NAV2: variants seen among roughly 807,000 people sequenced by gnomAD.
The protein encoded by NAV2 is neuron navigator 2, also known as helicase, APC down-regulated 1.
Under a neutral mutation model 223.2 loss-of-function variants are expected in NAV2, and 54 were observed. The observed-to-expected ratio is 0.24, with a 90% confidence interval of 0.19 to 0.30. The LOEUF (loss-of-function observed/expected upper bound fraction) is 0.30, where lower values mean the gene tolerates loss of function less well. NAV2 is among the 10% of genes least tolerant of loss of function. The pLI is 1.00. For missense variants in NAV2, 2,806 were observed against 3,147.5 expected (o/e 0.89, Z 2.60); for synonymous variants, 1,279 against 1,239.3 (o/e 1.03, Z -0.67).
Position 19,588,592 on chromosome 11 carries a change from A to G in NAV2, c.75+237565A>G, listed in dbSNP as rs569674253. Reference sequence around the variant, plus strand: ...CCTCATATTTATAGGGCTGAGGTTCAAACAGAAGAAGTGGTACACAACTAC... The same window carrying G: ...CCTCATATTTATAGGGCTGAGGTTCGAACAGAAGAAGTGGTACACAACTAC... On this transcript the variant is annotated intron_variant, in intron 1 of 37. Transcript: ENST00000360655. Among the ~76,000 whole-genome samples the G allele has an allele frequency of 2.6e-5, 4 of 152,340 alleles. No homozygotes were observed. The South Asian group carries it at 8.3e-4, about 32-fold the overall frequency.
At chr11:19,354,287 C>A (rs1461912736) in intron 1 of NAV2, among the ~76,000 whole-genome samples, 4 of 152,222 alleles carry the variant, frequency 2.6e-5, no homozygotes, top group African/African-American at 9.6e-5. Context: ...TGGAAATGTT[C>A]TATTCGTGCA....
At chr11:20,063,446 C>T (rs2058834488) in intron 20 of NAV2, among the ~76,000 whole-genome samples, 1 of 152,178 alleles carries the variant, frequency 6.6e-6, no homozygotes, top group Admixed American at 6.5e-5. Context: ...GACCTTGGCT[C>T]ACTGCAACCT....
intron 1 of NAV2, among the ~76,000 whole-genome samples, chr11:19,773,898 A>G (rs974570293): frequency 2.0e-5 from 3 of 152,142 alleles, no homozygotes; most frequent in Non-Finnish European, 4.4e-5. Flanking sequence ...TCTTGCTGTT[A>G]CTAGGTCTTC....
chr11:19,833,583 T>G (rs2060067020), intron 2 of NAV2, among the ~76,000 whole-genome samples: 1 of 152,228 alleles, frequency 6.6e-6, no homozygotes, highest in Admixed American at 6.5e-5. Context: ...CCTCTCCCTG[T>G]ATTAGTTTTC....
At chr11:19,627,934 A>G (rs2135466905) in intron 1 of NAV2, among the ~76,000 whole-genome samples, 1 of 151,354 alleles carries the variant, frequency 6.6e-6, no homozygotes, top group South Asian at 2.1e-4. Flanking sequence ...AAAAAGAAGA[A>G]GAAGAAGAAG....
chr11:20,023,702 GTGTGTGT>G (rs2054752575), intron 11 of NAV2, among the ~76,000 whole-genome samples: 2 of 24,852 alleles, frequency 8.0e-5, no homozygotes, highest in Admixed American at 5.8e-4. Flanking sequence ...ATTGCTGGGT[GTGTGTGT>G]GTGTGTGTGT....
chr11:19,508,529 T>A (rs987227179), intron 1 of NAV2, among the ~76,000 whole-genome samples: 5 of 152,142 alleles, frequency 3.3e-5, no homozygotes, highest in Non-Finnish European at 5.9e-5. Context: ...TCATTCTCAG[T>A]CCCATTTACT....
At chr11:19,706,474 A>G (rs1334997341) in intron 1 of NAV2, among the ~76,000 whole-genome samples, 1 of 152,166 alleles carries the variant, frequency 6.6e-6, no homozygotes, top group Non-Finnish European at 1.5e-5. Flanking sequence ...TTATCATTGT[A>G]TATTTTGTGC....
chr11:19,549,084 T>A (rs1464182002), intron 1 of NAV2, among the ~76,000 whole-genome samples: 1 of 152,082 alleles, frequency 6.6e-6, no homozygotes, highest in Non-Finnish European at 1.5e-5. Flanking sequence ...CCTAAACAGG[T>A]GAATGTCTCA....
chr11:19,348,549 C>G (rs1853123850), upstream of NAV2, among the ~76,000 whole-genome samples: 1 of 152,182 alleles, frequency 6.6e-6, no homozygotes, highest in South Asian at 2.1e-4. Context: ...TCAGTTGTCT[C>G]ATCTCGAATA....
chr11:20,058,160 G>A (rs984557150), intron 19 of NAV2, among the ~76,000 whole-genome samples: 4 of 152,134 alleles, frequency 2.6e-5, no homozygotes, highest in African/African-American at 9.7e-5. Context: ...TTAACTCCCA[G>A]TATTGCAGGA....
chr11:19,938,107 A>C (rs2046072439), intron 7 of NAV2, among the ~76,000 whole-genome samples: 1 of 152,222 alleles, frequency 6.6e-6, no homozygotes, highest in East Asian at 1.9e-4. Context: ...GCAGCATAGT[A>C]GAGTTGTATG....
chr11:19,698,360 T>A (rs1222063612), intron 1 of NAV2, among the ~76,000 whole-genome samples: 1 of 152,230 alleles, frequency 6.6e-6, no homozygotes, highest in Non-Finnish European at 1.5e-5. Context: ...TTATTATGCC[T>A]GCTTAACTGC....
intron 1 of NAV2, among the ~76,000 whole-genome samples, chr11:19,748,692 G>A (rs1433510508): frequency 6.6e-6 from 1 of 152,196 alleles, no homozygotes; most frequent in South Asian, 2.1e-4. Flanking sequence ...CTTACTTAAA[G>A]GTTCATGGGA....
At chr11:19,382,005 G>C (rs1590088748) in intron 1 of NAV2, among the ~76,000 whole-genome samples, 1 of 152,154 alleles carries the variant, frequency 6.6e-6, no homozygotes, top group South Asian at 2.1e-4. Flanking sequence ...TCTGCAGGCT[G>C]CTCACTGGGG....
chr11:19,865,267 A>G lies in NAV2; in HGVS notation c.439-3658A>G, dbSNP rs149756383. 6.6e-4 allele frequency among the ~76,000 whole-genome samples: 101 copies of G among 152,290 alleles called. 2 individuals carry two copies. The East Asian group carries it at 0.011, about 16-fold the overall frequency. ...ACGAGGACATCATTGTGCTGTAATG[A>G]CTACTGGGGTGCTGCTGCTGGGGCT... On this transcript the variant is annotated intron_variant, in intron 3 of 37. Coordinates refer to ENST00000349880, the MANE Select transcript of NAV2 (RefSeq NM_145117.5).
At chr11:19,661,872 C>G (rs78213729) in intron 1 of NAV2, among the ~76,000 whole-genome samples, 5,559 of 152,186 alleles carry the variant, frequency 0.037, 321 homozygotes, top group African/African-American at 0.12. Flanking sequence ...AATTGCTACT[C>G]AATTAATTAG....
rs1176693710 is a variant in NAV2, at chr11:20,093,184, A to G, written c.5901A>G (p.Glu1967=). Residue 1967 remains glutamate (E), a synonymous_variant, in exon 29 of 38, where the codon GAA becomes GAG. Transcript: ENST00000349880. Reference sequence around the variant, plus strand: ...AGATAGTTGTCAGCTTTCAGGAGGAAATGAAGTGGAAGGAGGTTAGTTGGA... The same window carrying G: ...AGATAGTTGTCAGCTTTCAGGAGGAGATGAAGTGGAAGGAGGTTAGTTGGA... ...HVKIVVSFQE[E]MKWKEDSRPH... 6.2e-7 allele frequency: 1 copy of G among 1,613,106 alleles called. No homozygotes were observed. Among genetic ancestry groups the G allele is most frequent in the South Asian group, 1.1e-5 (1 of 91,058 alleles).
intron 9 of NAV2, among the ~76,000 whole-genome samples, 167 bp downstream of exon 9, chr11:19,946,676 A>G (rs2046963812): frequency 6.6e-6 from 1 of 152,228 alleles, no homozygotes; most frequent in Non-Finnish European, 1.5e-5. Flanking sequence ...AGAGAGTTAT[A>G]GGAAATAAAA....
Sources: gnomAD v4.1 joint callset for allele counts (sites outside exome capture counted in the v4.1 genomes callset) on GRCh38, gnomAD v4.1.1 for gene constraint, MANE v1.5 for transcripts, NCBI Gene and HGNC (gene_info 2026-07-23, HGNC 2026-07-21) for gene names.